The following JPH3 variants were observed in gnomAD, a reference collection of about 807,000 sequenced individuals.
JPH3 encodes junctophilin 3, also known as junctophilin-3.
Under a neutral mutation model 59.6 loss-of-function variants are expected in JPH3, and 11 were observed. The ratio of observed to expected loss-of-function variants is 0.18; its 90% CI spans 0.12 to 0.31. The LOEUF is 0.31. Ranked by LOEUF, JPH3 falls within the 10% of genes least tolerant of loss-of-function variation. The pLI, the probability that JPH3 is intolerant of heterozygous loss-of-function variation, is 1.00. For missense variants in JPH3, 1,202 were observed against 1,105.7 expected, an observed-to-expected ratio of 1.09 and a Z score of -1.24; for synonymous variants, 673 against 483.6, an observed-to-expected ratio of 1.39 and a Z score of -5.14.
chr16:87,634,188 C>G (rs552450306), intron 1 of JPH3, among the ~76,000 whole-genome samples: 2 of 152,308 alleles, frequency 1.3e-5, no homozygotes, highest in East Asian at 3.9e-4. Flanking sequence ...GCGCAGGGCT[C>G]TCACTGTCAC....
At position 87,680,513 on chromosome 16, in the gene JPH3, A is replaced by G. The variant is rs144901096; in HGVS notation, c.1161-3629A>G. Among the ~76,000 whole-genome samples the G allele has an allele frequency of 8.1e-3, 1,241 of 152,348 alleles. 10 individuals are homozygous for G. The highest frequency in any genetic ancestry group is 0.026 in the African/African-American group (1,061 of 41,578). On this transcript the variant is annotated intron_variant, in intron 2 of 4. Transcript: ENST00000284262. ...TGCAGGGCCAGGCAGGGCAAGAACG[A>G]TCGCGACCTTTTCCTCCAGGGAAGG... is the stretch of plus-strand genomic sequence containing the variant.
chr16:87,673,303 T>C (rs944777267), intron 2 of JPH3, among the ~76,000 whole-genome samples: 2 of 129,686 alleles, frequency 1.5e-5, no homozygotes, highest in South Asian at 2.7e-4. Context: ...GTTTCACTTG[T>C]CTTGGGAGAG....
chr16:87,607,409 C>T (rs749640147), intron 1 of JPH3, among the ~76,000 whole-genome samples: 11 of 152,376 alleles, frequency 7.2e-5, no homozygotes, highest in Non-Finnish European at 1.0e-4. Flanking sequence ...AAATCACACA[C>T]ACCCACAGTC....
At chr16:87,625,519 G>T (rs896601158) in intron 1 of JPH3, among the ~76,000 whole-genome samples, 11 of 152,208 alleles carry the variant, frequency 7.2e-5, no homozygotes, top group Non-Finnish European at 1.5e-4. Context: ...TGAGCAGGAG[G>T]AGCAGGGCCA....
intron 2 of JPH3, among the ~76,000 whole-genome samples, chr16:87,655,494 C>T (rs2150854297): frequency 6.6e-6 from 1 of 152,294 alleles, no homozygotes. Flanking sequence ...GCTGGGACCG[C>T]AGCCGTGCAC....
intron 2 of JPH3, among the ~76,000 whole-genome samples, chr16:87,652,227 G>A (rs1224339518): frequency 6.6e-6 from 1 of 151,980 alleles, no homozygotes; most frequent in Non-Finnish European, 1.5e-5. Context: ...CGCCCACCTC[G>A]GCCTCCCAAA....
chr16:87,611,065 T>C lies in JPH3; in HGVS notation c.382+7537T>C, dbSNP rs1418580190. On this transcript the variant is annotated intron_variant, in intron 1 of 4. Coordinates refer to ENST00000284262, the MANE Select transcript of JPH3 (RefSeq NM_020655.4). The surrounding 1 kb of genome is among the most constrained non-coding windows in gnomAD (Gnocchi z 4.5). ...ATCAGCCTTAAGTATTTGCTGAGCATTGAGTATGTACGCAGTACAGAGTTT... is the reference window on the plus strand; with the variant it reads ...ATCAGCCTTAAGTATTTGCTGAGCACTGAGTATGTACGCAGTACAGAGTTT... Among the ~76,000 whole-genome samples, 1 of 152,210 alleles carries C rather than the reference T, an allele frequency of 6.6e-6. No homozygotes were observed. Among genetic ancestry groups the C allele is most frequent in the African/African-American group, 2.4e-5 (1 of 41,438 alleles).
In JPH3 at chr16:87,611,626, C is replaced by T. The variant is rs1567581057; in HGVS notation, c.382+8098C>T. Among the ~76,000 whole-genome samples the T allele has an allele frequency of 6.6e-6, 1 of 151,968 alleles. No individual in the cohort carries two copies. On this transcript the variant is annotated intron_variant, in intron 1 of 4. Transcript: ENST00000284262. The surrounding 1 kb of genome is among the most constrained non-coding windows in gnomAD (Gnocchi z 4.5). Reference sequence around the variant, plus strand: ...CTGGTGGAGTCTGAGTTGGGCAGGACATGGGCCCGCCTCTGTCTGCTGCTC... The same window carrying T: ...CTGGTGGAGTCTGAGTTGGGCAGGATATGGGCCCGCCTCTGTCTGCTGCTC...
chr16:87,641,159 G>C (rs557138086), intron 1 of JPH3, among the ~76,000 whole-genome samples: 3 of 152,342 alleles, frequency 2.0e-5, no homozygotes, highest in South Asian at 4.1e-4. Context: ...AGAGGCTGAG[G>C]CTGACACTCT....
upstream of JPH3, among the ~76,000 whole-genome samples, chr16:87,602,447 G>T (rs2030247198): frequency 8.1e-6 from 1 of 122,940 alleles, no homozygotes; most frequent in South Asian, 2.6e-4. Context: ...CGGGGGGCGG[G>T]GGGCGGGGGG....
At chr16:87,603,656 G>A (rs1437906810) in intron 1 of JPH3, 128 bp downstream of exon 1, 4 of 1,209,282 alleles carry the variant, frequency 3.3e-6, no homozygotes, top group East Asian at 5.1e-5. Context: ...GGCCTTTCCC[G>A]GGCTTCCCTG....
intron 2 of JPH3, among the ~76,000 whole-genome samples, chr16:87,659,525 C>T (rs1231761453): frequency 1.3e-5 from 2 of 152,036 alleles, no homozygotes; most frequent in Admixed American, 1.3e-4. Flanking sequence ...AGTTCTGGAC[C>T]AGTCTGGGCC....
At position 87,647,695 on chromosome 16, in the gene JPH3, C is replaced by T. The variant is rs144067256; in HGVS notation, c.1160+2660C>T. Among the ~76,000 whole-genome samples, 834 of 152,308 alleles carry T rather than the reference C, an allele frequency of 5.5e-3. 7 individuals carry two copies. Among genetic ancestry groups the T allele is most frequent in the African/African-American group, 0.017 (718 of 41,578 alleles). On this transcript the variant is annotated intron_variant, in intron 2 of 4. Transcript: ENST00000284262. Reference sequence around the variant, plus strand: ...CGCCATGTCCTGCTGTCCACACACACGGCTCTGCACACCACTCACGGCCTC... The same window carrying T: ...CGCCATGTCCTGCTGTCCACACACATGGCTCTGCACACCACTCACGGCCTC...
intron 4 of JPH3, chr16:87,693,976 G>T (rs1408696565): frequency 1.3e-5 from 2 of 152,260 alleles, no homozygotes; most frequent in Middle Eastern, 3.1e-3. Context: ...TGAGCCCACC[G>T]TGCCGAGTGG....
At chr16:87,669,450 C>T (rs1468014599) in intron 2 of JPH3, among the ~76,000 whole-genome samples, 7 of 152,218 alleles carry the variant, frequency 4.6e-5, no homozygotes, top group Admixed American at 2.6e-4. Flanking sequence ...CCTGGGGTTC[C>T]GTCCCCTCTG....
Position 87,644,592 on chromosome 16 carries a change from C to G in JPH3, c.717C>G (p.Ser239Arg). 6.2e-7 allele frequency: 1 copy of G among 1,613,010 alleles called. No individual in the cohort carries two copies. Among genetic ancestry groups the G allele is most frequent in the Non-Finnish European group, 8.5e-7 (1 of 1,179,886 alleles). ...ESKSSLASQRSKQSSFRSEAG... is the reference protein window; with the variant it reads ...ESKSSLASQRRKQSSFRSEAG... Reference sequence around the variant, plus strand: ...AGAGCAGCCTGGCCAGCCAACGCAGCAAGCAGAGCTCCTTTCGCAGCGAGG... The same window carrying G: ...AGAGCAGCCTGGCCAGCCAACGCAGGAAGCAGAGCTCCTTTCGCAGCGAGG... The change falls in exon 2 of 5, where the codon AGC (serine) becomes AGG (arginine). Residue 239 changes from serine to arginine, a missense_variant. By Grantham distance (110) the Ser-to-Arg change is moderately radical. Coordinates refer to ENST00000284262, the MANE Select transcript of JPH3 (RefSeq NM_020655.4).
chr16:87,681,108 T>C (rs1195533952), intron 2 of JPH3, among the ~76,000 whole-genome samples: 1 of 152,130 alleles, frequency 6.6e-6, no homozygotes, highest in East Asian at 1.9e-4. Flanking sequence ...CACACAGTGA[T>C]GATAGTTCCG....
intron 2 of JPH3, among the ~76,000 whole-genome samples, chr16:87,670,339 T>C (rs74039448): frequency 0.046 from 6,945 of 152,240 alleles, 533 homozygotes; most frequent in African/African-American, 0.16. Context: ...AACCCACGTG[T>C]GGCCTCTGCA....
chr16:87,645,278 C>T (rs527445527), intron 2 of JPH3, among the ~76,000 whole-genome samples: 9 of 152,318 alleles, frequency 5.9e-5, no homozygotes, highest in African/African-American at 1.4e-4. Flanking sequence ...CTACAGCCTC[C>T]TTAAACTGAG....
Sources: allele counts gnomAD v4.1 joint callset (sites outside exome capture counted in the v4.1 genomes callset), GRCh38; gene constraint gnomAD v4.1.1; non-coding constraint Gnocchi (gnomAD v3.1); transcripts MANE v1.5; gene names NCBI Gene and HGNC (gene_info 2026-07-23, HGNC 2026-07-21).